Variants in TYW1B observed in about 807,000 individuals in gnomAD.
The protein encoded by TYW1B is tRNA-yW synthesizing protein 1 homolog B.
A neutral mutation model predicts 86.9 loss-of-function variants in TYW1B; 73 were observed. That is an observed-to-expected ratio of 0.84 (90% confidence interval 0.70 to 1.02). The LOEUF is 1.02. Among genes scored for constraint, TYW1B ranks in the 50% least tolerant of loss-of-function variants. The probability of loss-of-function intolerance (pLI) is 0.00; values close to 1 mark genes in which losing one functional copy is unlikely to be tolerated. For synonymous variants in TYW1B, 248 were observed against 292.8 expected, an observed-to-expected ratio of 0.85 and a Z score of 1.56; for missense variants, 637 against 827.4, an observed-to-expected ratio of 0.77 and a Z score of 2.82.
At chr7:72,721,365 G>A (rs13227635) in intron 9 of TYW1B, among the ~76,000 whole-genome samples, 62 of 151,986 alleles carry the variant, frequency 4.1e-4, no homozygotes, top group East Asian at 9.6e-4. Context: ...TCCCATCAAC[G>A]GTGTAAAAGT....
chr7:72,658,212 C>G (rs1813251281), intron 11 of TYW1B, among the ~76,000 whole-genome samples: 1 of 151,654 alleles, frequency 6.6e-6, no homozygotes, highest in Non-Finnish European at 1.5e-5. Context: ...GATCGCGCCA[C>G]TGCGCTCCAG....
intron 11 of TYW1B, among the ~76,000 whole-genome samples, chr7:72,642,746 C>T (rs1812831859): frequency 6.6e-6 from 1 of 152,082 alleles, no homozygotes; most frequent in South Asian, 2.1e-4. Context: ...ACTAAAAATA[C>T]AAAAATTAGC....
At chr7:72,751,048 T>TC (rs1275030723) in intron 7 of TYW1B, among the ~76,000 whole-genome samples, 1 of 152,026 alleles carries the variant, frequency 6.6e-6, no homozygotes, top group African/African-American at 2.4e-5. Context: ...TCCCTTTTTT[T>TC]TTTTTTTGAA....
chr7:72,767,348 T>G (rs1432386490), intron 7 of TYW1B, among the ~76,000 whole-genome samples: 1 of 152,200 alleles, frequency 6.6e-6, no homozygotes, highest in Non-Finnish European at 1.5e-5. Flanking sequence ...GGCTCACATC[T>G]GTAATACCAG....
At position 72,810,666 on chromosome 7, in the gene TYW1B, C is replaced by G; in HGVS notation, c.238-1G>C. The G allele has an allele frequency of 6.3e-7, 1 of 1,598,350 alleles. No individual in the cohort carries two copies. ...AGACACAGACATTTTTACTAGTCAC[C>G]TAACCAAGAAAGTAATTGTTTCAGT... On this transcript the variant is annotated splice_acceptor_variant, in intron 3 of 13. Transcript: ENST00000620995. LOFTEE classifies it high-confidence loss of function.
intron 7 of TYW1B, among the ~76,000 whole-genome samples, chr7:72,771,950 G>A (rs1465265438): frequency 1.3e-5 from 2 of 151,414 alleles, no homozygotes; most frequent in East Asian, 1.9e-4. Flanking sequence ...GGGTTTAAAC[G>A]ATTCTCATGC....
chr7:72,803,256 C>T (rs1267904915), intron 5 of TYW1B, among the ~76,000 whole-genome samples: 1 of 152,046 alleles, frequency 6.6e-6, no homozygotes, highest in Non-Finnish European at 1.5e-5. Flanking sequence ...TCTTTAGCAT[C>T]AGACTAACAA....
intron 11 of TYW1B, among the ~76,000 whole-genome samples, chr7:72,687,636 C>T (rs1554449635): frequency 6.6e-6 from 1 of 151,890 alleles, no homozygotes; most frequent in Non-Finnish European, 1.5e-5. Flanking sequence ...CATAAACAAT[C>T]GTTTCATTTA....
intron 11 of TYW1B, among the ~76,000 whole-genome samples, chr7:72,651,838 T>A (rs1453596682): frequency 6.6e-6 from 1 of 152,104 alleles, no homozygotes; most frequent in African/African-American, 2.4e-5. Context: ...TCACAAATGA[T>A]TAAACACATA....
intron 11 of TYW1B, among the ~76,000 whole-genome samples, chr7:72,681,880 C>G (rs374252241): frequency 6.6e-6 from 1 of 150,392 alleles, no homozygotes; most frequent in South Asian, 2.1e-4. Context: ...CCACCGCACC[C>G]GGCCGTCTGT....
At chr7:72,758,135 C>T (rs888723320) in intron 7 of TYW1B, among the ~76,000 whole-genome samples, 3 of 151,964 alleles carry the variant, frequency 2.0e-5, no homozygotes, top group Admixed American at 2.0e-4. Context: ...CAGGAGAATC[C>T]CTTAAACCCG....
chr7:72,708,665 G>A (rs1270909726), intron 10 of TYW1B, among the ~76,000 whole-genome samples: 1 of 152,122 alleles, frequency 6.6e-6, no homozygotes, highest in African/African-American at 2.4e-5. Flanking sequence ...AGAGACAGCT[G>A]GTATTTTGAT....
chr7:72,604,759 C>T (rs549317597), intron 13 of TYW1B, among the ~76,000 whole-genome samples: 1 of 152,298 alleles, frequency 6.6e-6, no homozygotes, highest in South Asian at 2.1e-4. Context: ...GCCAGCCACC[C>T]CCTCCAAAGC....
intron 13 of TYW1B, among the ~76,000 whole-genome samples, chr7:72,581,552 G>A (rs1212069804): frequency 5.3e-5 from 8 of 152,036 alleles, no homozygotes; most frequent in East Asian, 3.9e-4. Flanking sequence ...TCCACCTCTC[G>A]GGTTCACGTG....
intron 11 of TYW1B, among the ~76,000 whole-genome samples, chr7:72,633,522 G>A (rs1554440321): frequency 2.0e-5 from 3 of 152,072 alleles, no homozygotes; most frequent in Non-Finnish European, 2.9e-5. Flanking sequence ...ATAACTCCAG[G>A]GATTATCACA....
At chr7:72,600,097 T>G (rs200889921) in intron 13 of TYW1B, among the ~76,000 whole-genome samples, 1 of 151,914 alleles carries the variant, frequency 6.6e-6, no homozygotes. Flanking sequence ...GTTAGAAGAG[T>G]GACACTACTC....
rs1227572848 is a variant in TYW1B, at chr7:72,811,195, C to T, written c.238-530G>A. On this transcript the variant is annotated intron_variant, in intron 3 of 13. Coordinates refer to ENST00000620995, the MANE Select transcript of TYW1B (RefSeq NM_001145440.3). ...CTAAGCCAAGAGAATGGCGTGAACC[C>T]AGGAGGCAGAGCTTGTAGTGAGCCG... 6.7e-5 allele frequency among the ~76,000 whole-genome samples: 10 copies of T among 148,314 alleles called. 1 individual carries two copies. Among genetic ancestry groups the T allele is most frequent in the East Asian group, 2.0e-4 (1 of 5,028 alleles).
chr7:72,585,228 A>G (rs1260955007), intron 13 of TYW1B, among the ~76,000 whole-genome samples: 7 of 152,226 alleles, frequency 4.6e-5, no homozygotes, highest in Admixed American at 3.9e-4. Context: ...AGGTTCTGCT[A>G]AAAGTTGTTC....
In TYW1B at chr7:72,626,606, G is replaced by A. The variant is rs1389867644; in HGVS notation, c.1617+2281C>T. ...TTCCTGTATCTCAGCAAACAGTTTC[G>A]CCATCCACGCAATGGCTTAAGCCAA... On this transcript the variant is annotated intron_variant, in intron 12 of 13. Coordinates refer to ENST00000620995, the MANE Select transcript of TYW1B (RefSeq NM_001145440.3). Among the ~76,000 whole-genome samples, 4 of 151,662 alleles carry A rather than the reference G, an allele frequency of 2.6e-5. No individual in the cohort carries two copies. The East Asian group carries it at 5.8e-4, about 22-fold the overall frequency.
Sources: gnomAD v4.1 joint callset for allele counts (sites outside exome capture counted in the v4.1 genomes callset) on GRCh38, gnomAD v4.1.1 for gene constraint, MANE v1.5 for transcripts, NCBI Gene and HGNC (gene_info 2026-07-23, HGNC 2026-07-21) for gene names.